SEC13: variants seen among roughly 807,000 people sequenced by gnomAD.
The protein encoded by SEC13 is protein SEC13 homolog.
SEC13 carries 25 observed loss-of-function variants against 49.2 expected under a neutral mutation model. The observed-to-expected ratio is 0.51, with a 90% CI of 0.37 to 0.71. SEC13 has a LOEUF of 0.71. Ranked by LOEUF, SEC13 falls within the 30% of genes least tolerant of loss-of-function variation. SEC13 has a pLI of 0.00. For synonymous variants in SEC13, 148 were observed against 163.9 expected (o/e 0.90, Z 0.74); for missense variants, 383 against 417.6 (o/e 0.92, Z 0.72).
chr3:10,320,939 G>T (rs1310204401), intron 1 of SEC13, 111 bp downstream of exon 1: 2 of 1,542,766 alleles, frequency 1.3e-6, no homozygotes, highest in East Asian at 2.5e-5. Context: ...AGCGGTGGAG[G>T]GGAGCTGAAC....
chr3:10,302,435 A>G (rs1364081063), intron 8 of SEC13, among the ~76,000 whole-genome samples: 1 of 152,202 alleles, frequency 6.6e-6, no homozygotes, highest in Admixed American at 6.5e-5. Flanking sequence ...GCGAAAGGAA[A>G]CAGGCTTGTA....
At chr3:10,309,552 T>C (rs3732949) in intron 5 of SEC13, among the ~76,000 whole-genome samples, 41,705 of 152,086 alleles carry the variant, frequency 0.27, 6,379 homozygotes, top group East Asian at 0.52. Flanking sequence ...TCTAATTCTT[T>C]CCTGAGTTCT....
chr3:10,316,834 T>C (rs1175814659), intron 2 of SEC13, among the ~76,000 whole-genome samples: 1 of 151,924 alleles, frequency 6.6e-6, no homozygotes, highest in Non-Finnish European at 1.5e-5. Context: ...AAAACTTGCC[T>C]CTACTAAAAA....
intron 1 of SEC13, 97 bp downstream of exon 1, chr3:10,320,953 T>C (rs1297485304): frequency 1.3e-6 from 2 of 1,575,024 alleles, no homozygotes; most frequent in Non-Finnish European, 1.7e-6. Flanking sequence ...GCTGAACGGC[T>C]CCAGCTTGGG....
intron 1 of SEC13, chr3:10,319,165 C>A (rs907679952): frequency 6.2e-7 from 1 of 1,612,656 alleles, no homozygotes; most frequent in Non-Finnish European, 8.5e-7. Context: ...TCTTTTCCAG[C>A]ACAAGCCCTG....
At chr3:10,306,731 T>A (rs1259574711) in intron 5 of SEC13, among the ~76,000 whole-genome samples, 1 of 152,176 alleles carries the variant, frequency 6.6e-6, no homozygotes. Context: ...AGTGAATAAG[T>A]CTCGCTAGAT....
At chr3:10,319,853 AG>A (rs1467132579) in intron 1 of SEC13, among the ~76,000 whole-genome samples, 1 of 7,386 alleles carries the variant, frequency 1.4e-4, no homozygotes, top group East Asian at 8.6e-3. Flanking sequence ...GACGGAAGGA[AG>A]GAGGAAGGGC....
At chr3:10,308,977 G>A (rs374132825) in intron 5 of SEC13, among the ~76,000 whole-genome samples, 3 of 125,224 alleles carry the variant, frequency 2.4e-5, no homozygotes, top group South Asian at 2.5e-4. Context: ...TTGCTTTGTC[G>A]CCCAGGCTGG....
intron 5 of SEC13, 90 bp downstream of exon 5, chr3:10,311,875 G>T (rs760721625): frequency 6.8e-6 from 11 of 1,611,834 alleles, no homozygotes; most frequent in South Asian, 1.1e-5. Flanking sequence ...GTCCAGCGGG[G>T]ACCCTCCCGT....
At chr3:10,305,967 T>G in intron 5 of SEC13, 1 of 300,882 alleles carries the variant, frequency 3.3e-6, no homozygotes, top group Non-Finnish European at 6.2e-6. Flanking sequence ...GAATGGTACA[T>G]TGGAGCTTTT....
At chr3:10,313,531 A>G (rs1701417192) in intron 3 of SEC13, 1 of 455,928 alleles carries the variant, frequency 2.2e-6, no homozygotes, top group Non-Finnish European at 4.7e-6. Context: ...CCCATTAGCT[A>G]TTAGTGCTGC....
rs1180206544 is a variant in SEC13, at chr3:10,320,740, C to G, written c.3+310G>C. On this transcript the variant is annotated intron_variant, in intron 1 of 8. Transcript: ENST00000350697. ...CGGAGATTACGAACAATGCTGAGGG[C>G]TCGGTATACAGTAGCTCCTCTGCTG... is the stretch of plus-strand genomic sequence containing the variant. 6 of 1,235,522 alleles carry G rather than the reference C, an allele frequency of 4.9e-6. No individual in the cohort carries two copies. In the East Asian group the frequency reaches 1.4e-4, roughly 28 times the overall value. The allele number at this position is 1,235,522 out of a possible 1,614,324, so 76.5% of individuals were successfully genotyped here.
intron 1 of SEC13, chr3:10,319,152 T>G (rs757163460): frequency 3.7e-6 from 6 of 1,611,216 alleles, no homozygotes; most frequent in Non-Finnish European, 5.1e-6. Context: ...TTTCCCCATT[T>G]CATCTTTTCC....
In SEC13 at chr3:10,312,592, T is replaced by A. The variant is rs1425192782; in HGVS notation, c.303A>T (p.Gly101=). ...GTWEKSHEHA[G]HDSSVNSVCW... is the part of the protein sequence containing the mutation. ...AGCTCAGCATACCTGAGGAGTCGTG[T>A]CCCGCATGCTCGTGGCTCTTCTCCC... Residue 101 remains glycine, a synonymous_variant, in exon 4 of 9, where the codon GGA becomes GGT. Transcript: ENST00000350697. 1.2e-6 allele frequency: 2 copies of A among 1,614,186 alleles called. No individual in the cohort carries two copies. The highest frequency in any genetic ancestry group is 2.2e-5 in the South Asian group (2 of 91,080).
At chr3:10,320,733 C>T in intron 1 of SEC13, 1 of 1,220,786 alleles carries the variant, frequency 8.2e-7, no homozygotes, top group Non-Finnish European at 1.0e-6. Context: ...ACGAACAATG[C>T]TGAGGGCTCG....
chr3:10,302,803 A>G (rs1408759348), intron 8 of SEC13, among the ~76,000 whole-genome samples: 2 of 152,224 alleles, frequency 1.3e-5, no homozygotes, highest in Non-Finnish European at 2.9e-5. Context: ...TGGTGGAGGA[A>G]TAAGTGTAGA....
intron 8 of SEC13, among the ~76,000 whole-genome samples, chr3:10,302,818 G>A (rs185132569): frequency 6.6e-6 from 1 of 152,340 alleles, no homozygotes; most frequent in East Asian, 1.9e-4. Context: ...TGTAGAAACA[G>A]GGTGTGGGCT....
intron 1 of SEC13, chr3:10,320,416 C>T: frequency 2.0e-6 from 1 of 501,656 alleles, no homozygotes. Context: ...TGAATGTACA[C>T]TGCAGATGCC....
intron 8 of SEC13, among the ~76,000 whole-genome samples, chr3:10,303,070 T>G (rs909120327): frequency 6.6e-6 from 1 of 151,540 alleles, no homozygotes; most frequent in Admixed American, 6.6e-5. Context: ...GGGTACAGAG[T>G]TTCAATTTTG....
Sources: allele counts gnomAD v4.1 joint callset (sites outside exome capture counted in the v4.1 genomes callset), GRCh38; gene constraint gnomAD v4.1.1; transcripts MANE v1.5; gene names NCBI Gene and HGNC (gene_info 2026-07-23, HGNC 2026-07-21).